Variants in STK32B observed in about 807,000 individuals in gnomAD.
The protein encoded by STK32B is serine/threonine-protein kinase 32B.
STK32B carries 43 observed loss-of-function variants against 52.6 expected under a neutral mutation model. The observed-to-expected ratio is 0.82, with a 90% CI of 0.64 to 1.05. The LOEUF (loss-of-function observed/expected upper bound fraction) is 1.05. STK32B is among the 50% of genes least tolerant of loss of function. STK32B has a pLI of 0.00. For missense variants in STK32B, 621 were observed against 534.6 expected, an observed-to-expected ratio of 1.16 and a Z score of -1.59; for synonymous variants, 238 against 204.3, an observed-to-expected ratio of 1.17 and a Z score of -1.41.
chr4:5,111,922 C>G (rs781521909), intron 1 of STK32B, among the ~76,000 whole-genome samples: 4 of 152,166 alleles, frequency 2.6e-5, no homozygotes, highest in Non-Finnish European at 5.9e-5. Context: ...GGGAAAGCAG[C>G]AAATAAAGGA....
Position 5,453,467 on chromosome 4 carries a change from C to T in STK32B, c.667-3340C>T, listed in dbSNP as rs1716194796. Among the ~76,000 whole-genome samples, 1 of 152,166 alleles carries T rather than the reference C, an allele frequency of 6.6e-6. No homozygotes were observed. Among genetic ancestry groups the T allele is most frequent in the Non-Finnish European group, 1.5e-5 (1 of 68,036 alleles). On this transcript the variant is annotated intron_variant, in intron 7 of 11. Transcript: ENST00000282908. This position sits in a 1 kb window ranked among gnomAD's most constrained non-coding sequence, Gnocchi z 4.0. ...AAAGTCTCTTTTCATCTCCCAGCCT[C>T]AGTTTCCTGACGTTTGAAATGAGGG...
intron 3 of STK32B, among the ~76,000 whole-genome samples, chr4:5,270,501 C>T: frequency 6.6e-6 from 1 of 152,136 alleles, no homozygotes; most frequent in East Asian, 1.9e-4. Flanking sequence ...AACACCCTCA[C>T]AGACACACCC....
chr4:5,392,654 A>G (rs758465000), intron 4 of STK32B, among the ~76,000 whole-genome samples: 16 of 152,180 alleles, frequency 1.1e-4, no homozygotes, highest in Admixed American at 3.9e-4. Flanking sequence ...GAGGAACCAG[A>G]CATACCACTG....
intron 3 of STK32B, among the ~76,000 whole-genome samples, chr4:5,170,807 T>C (rs1719308686): frequency 6.6e-6 from 1 of 152,212 alleles, no homozygotes; most frequent in Non-Finnish European, 1.5e-5. Context: ...TGATTTATAA[T>C]CCTTTGGGTA....
At chr4:5,353,818 G>C (rs913345269) in intron 4 of STK32B, among the ~76,000 whole-genome samples, 2 of 152,134 alleles carry the variant, frequency 1.3e-5, no homozygotes, top group Non-Finnish European at 2.9e-5. Flanking sequence ...CAACTACCAT[G>C]GAAAACAGTA....
intron 3 of STK32B, among the ~76,000 whole-genome samples, chr4:5,186,041 C>T (rs568201536): frequency 2.0e-5 from 3 of 152,328 alleles, no homozygotes; most frequent in East Asian, 1.9e-4. Context: ...AACTCCTGCT[C>T]ATCCTCCACA....
chr4:5,023,032 T>TG, the STK32B span, among the ~76,000 whole-genome samples: 1 of 151,812 alleles, frequency 6.6e-6, no homozygotes, highest in Admixed American at 6.6e-5. Context: ...TATGTGTGTG[T>TG]TTGTGTGTGT....
intron 4 of STK32B, among the ~76,000 whole-genome samples, chr4:5,364,310 A>G (rs1263493780): frequency 2.6e-5 from 4 of 152,246 alleles, no homozygotes; most frequent in Middle Eastern, 3.2e-3. Flanking sequence ...AAAGTTCAGC[A>G]TATCTGTTAT....
the STK32B span, among the ~76,000 whole-genome samples, chr4:5,045,095 C>T: frequency 0.013 from 1,954 of 152,310 alleles, 46 homozygotes; most frequent in African/African-American, 0.043. Context: ...GTTGGAGGGG[C>T]CCTTTAAAAA....
At chr4:5,132,797 C>T (rs147438366) in intron 1 of STK32B, among the ~76,000 whole-genome samples, 3 of 145,262 alleles carry the variant, frequency 2.1e-5, no homozygotes, top group Admixed American at 6.9e-5. Context: ...GAATTTACCA[C>T]TTTTTTTTTT....
At chr4:5,036,057 C>T in the STK32B span, among the ~76,000 whole-genome samples, 1 of 152,072 alleles carries the variant, frequency 6.6e-6, no homozygotes, top group Non-Finnish European at 1.5e-5. Context: ...GCTGGGATTA[C>T]AGGCGTGAGC....
chr4:5,251,234 A>G (rs549210628), intron 3 of STK32B, among the ~76,000 whole-genome samples: 22 of 152,250 alleles, frequency 1.4e-4, no homozygotes, highest in African/African-American at 4.1e-4. Context: ...TGGTTTTTGT[A>G]TATGGTGTAA....
Position 5,238,479 on chromosome 4 carries a change from T to C in STK32B, c.260+70029T>C, listed in dbSNP as rs545539702. Among the ~76,000 whole-genome samples the C allele has an allele frequency of 4.6e-5, 7 of 152,198 alleles. No homozygotes were observed. In the South Asian group the frequency reaches 8.3e-4, roughly 18 times the overall value. ...TTAACTTAATTCCATCTGCAAAGAC[T>C]CTTTTTACATTTTTCAAATAAATTC... On this transcript the variant is annotated intron_variant, in intron 3 of 11. Coordinates refer to ENST00000282908, the MANE Select transcript of STK32B (RefSeq NM_018401.3).
At chr4:5,323,064 A>G (rs958650102) in intron 3 of STK32B, among the ~76,000 whole-genome samples, 1 of 152,098 alleles carries the variant, frequency 6.6e-6, no homozygotes. Flanking sequence ...GTTAGTTGGG[A>G]CAAGTGTTAA....
intron 3 of STK32B, among the ~76,000 whole-genome samples, chr4:5,318,479 A>T (rs1387901749): frequency 6.6e-6 from 1 of 152,130 alleles, no homozygotes; most frequent in Non-Finnish European, 1.5e-5. Flanking sequence ...GAGAAAAAAA[A>T]AGTTAGGAGC....
intron 3 of STK32B, among the ~76,000 whole-genome samples, chr4:5,298,149 C>T (rs1729325188): frequency 6.6e-6 from 1 of 152,180 alleles, no homozygotes; most frequent in Non-Finnish European, 1.5e-5. Flanking sequence ...CTGCTCCTTC[C>T]CCTGGAAGCT....
At chr4:5,056,350 C>A (rs1365712516) in intron 1 of STK32B, among the ~76,000 whole-genome samples, 1 of 152,226 alleles carries the variant, frequency 6.6e-6, no homozygotes. Context: ...TAAGGAATTG[C>A]AAGCTCCTTA....
intron 3 of STK32B, among the ~76,000 whole-genome samples, chr4:5,190,561 C>T (rs745719045): frequency 1.9e-4 from 29 of 152,140 alleles, no homozygotes; most frequent in Non-Finnish European, 2.9e-4. Flanking sequence ...GTCCTAAGTA[C>T]TGGTGATGTA....
chr4:5,437,634 C>T (rs1250244450), intron 6 of STK32B, among the ~76,000 whole-genome samples: 1 of 152,174 alleles, frequency 6.6e-6, no homozygotes, highest in Non-Finnish European at 1.5e-5. Flanking sequence ...TTTTAGGGGG[C>T]AATGATTCGG....
Sources: allele counts gnomAD v4.1 joint callset (sites outside exome capture counted in the v4.1 genomes callset), GRCh38; gene constraint gnomAD v4.1.1; non-coding constraint Gnocchi (gnomAD v3.1); transcripts MANE v1.5; gene names NCBI Gene and HGNC (gene_info 2026-07-23, HGNC 2026-07-21).